Variants in TTC23 observed in about 807,000 individuals in gnomAD.
TTC23 encodes tetratricopeptide repeat protein 23.
A neutral mutation model predicts 55.1 loss-of-function variants in TTC23; 58 were observed. The observed-to-expected ratio is 1.05, with a 90% CI of 0.85 to 1.31. The LOEUF (loss-of-function observed/expected upper bound fraction) is 1.31, where lower values mean the gene tolerates loss of function less well. Among genes scored for constraint, TTC23 ranks in the 50% most tolerant of loss-of-function variants. The pLI is 0.00. For missense variants in TTC23, 516 were observed against 534.4 expected, an observed-to-expected ratio of 0.97 and a Z score of 0.34; for synonymous variants, 203 against 199.9, an observed-to-expected ratio of 1.02 and a Z score of -0.13.
chr15:99,163,768 T>C (rs1361616452), intron 10 of TTC23, among the ~76,000 whole-genome samples: 1 of 152,222 alleles, frequency 6.6e-6, no homozygotes, highest in African/African-American at 2.4e-5. Flanking sequence ...TCCTCACTCC[T>C]TCCACCCTGT....
rs567903492 is a variant in TTC23 at position 99,249,465 on chromosome 15, C to A, written c.-725G>T. 1 of 152,330 alleles carries A rather than the reference C, an allele frequency of 6.6e-6. No individual in the cohort carries two copies. The highest frequency in any genetic ancestry group is 6.5e-5 in the Admixed American group (1 of 15,290). 9.4% of individuals were successfully genotyped at this position (152,330 alleles called of 1,614,324 possible). A position where few individuals can be genotyped will look rare whatever the true frequency, so the allele number is the denominator to read the frequency against. Reference sequence around the variant, plus strand: ...ACAGTTGTCTTGGCAGCGTGATTTGCCCTCTGGTTCCTGCTTTATCAGTTT... The same window carrying A: ...ACAGTTGTCTTGGCAGCGTGATTTGACCTCTGGTTCCTGCTTTATCAGTTT... On this transcript the variant is annotated 5_prime_UTR_variant, in exon 1 of 14. Coordinates refer to ENST00000394132, the MANE Select transcript of TTC23 (RefSeq NM_001288615.3).
At position 99,192,389 on chromosome 15, in the gene TTC23, T is replaced by C. The variant is rs190683034; in HGVS notation, c.759+7530A>G. Among the ~76,000 whole-genome samples the C allele has an allele frequency of 2.6e-5, 4 of 152,048 alleles. No individual in the cohort carries two copies. In the East Asian group the frequency reaches 7.7e-4, roughly 29 times the overall value. On this transcript the variant is annotated intron_variant, in intron 9 of 13. Coordinates refer to ENST00000394132, the MANE Select transcript of TTC23 (RefSeq NM_001288615.3). Reference sequence around the variant, plus strand: ...GTGGTTTCACGGGCTGGGCCCAGGGTCCCCATGCTGTGTGCAGCCTAGGAA... The same window carrying C: ...GTGGTTTCACGGGCTGGGCCCAGGGCCCCCATGCTGTGTGCAGCCTAGGAA...
At chr15:99,147,547 A>G (rs917101735) in intron 12 of TTC23, among the ~76,000 whole-genome samples, 6 of 152,216 alleles carry the variant, frequency 3.9e-5, no homozygotes, top group Non-Finnish European at 7.3e-5. Flanking sequence ...CTTAACCAAA[A>G]TAAGAATGAA....
chr15:99,176,524 A>C (rs1252129814), intron 9 of TTC23, among the ~76,000 whole-genome samples: 1 of 152,136 alleles, frequency 6.6e-6, no homozygotes, highest in Non-Finnish European at 1.5e-5. Flanking sequence ...AAGCGGGTGA[A>C]TTGCTTTGAG....
At chr15:99,160,886 G>A (rs567005112) in intron 11 of TTC23, 1 of 151,530 alleles carries the variant, frequency 6.6e-6, no homozygotes, top group South Asian at 2.1e-4. Context: ...TGGTGGCGGG[G>A]GCCTGTAATC....
intron 11 of TTC23, chr15:99,161,012 CAA>C (rs34970118): frequency 1.9e-4 from 13 of 67,406 alleles, no homozygotes; most frequent in African/African-American, 5.3e-4. Flanking sequence ...GACTCTGTCT[CAA>C]AAAAAAAAAA....
rs1451783999 is a variant in TTC23, at chr15:99,187,469, C to CA, written c.760-12315dup. ...AGCACAAGCAAAAAAAAAAAAAAAA[C>CA]AAAACAAAAGAAACCCAACATAGAC... On this transcript the variant is annotated intron_variant, in intron 9 of 13. Transcript: ENST00000394132. Among the ~76,000 whole-genome samples, 16 of 110,646 alleles carry CA rather than the reference C, an allele frequency of 1.4e-4. 3 individuals carry two copies. The highest frequency in any genetic ancestry group is 3.5e-5 in the African/African-American group (1 of 28,890). The allele number at this position is 110,646 out of a possible 152,430, so 72.6% of individuals were successfully genotyped here.
At chr15:99,198,458 T>C (rs1366818406) in intron 9 of TTC23, among the ~76,000 whole-genome samples, 1 of 152,234 alleles carries the variant, frequency 6.6e-6, no homozygotes, top group Admixed American at 6.5e-5. Context: ...TCCACTATCT[T>C]CATCCTAGTT....
chr15:99,218,278 G>T (rs1002126275), intron 8 of TTC23, among the ~76,000 whole-genome samples: 3 of 152,174 alleles, frequency 2.0e-5, no homozygotes, highest in African/African-American at 7.2e-5. Flanking sequence ...GGGAAAAAAG[G>T]AAGGGAGGGA....
intron 8 of TTC23, 49 bp from the exon 9 acceptor site, chr15:99,200,145 A>G: frequency 6.9e-7 from 1 of 1,453,664 alleles, no homozygotes; most frequent in Non-Finnish European, 9.1e-7. Flanking sequence ...AATAGAAAAT[A>G]CTGAAAATAT....
At chr15:99,150,581 T>C (rs1240193872) in intron 12 of TTC23, among the ~76,000 whole-genome samples, 2 of 152,252 alleles carry the variant, frequency 1.3e-5, no homozygotes, top group Non-Finnish European at 2.9e-5. Context: ...TGGGGCAATA[T>C]AGTTCTATAT....
chr15:99,179,593 G>A (rs1567408644), intron 9 of TTC23, among the ~76,000 whole-genome samples: 1 of 152,302 alleles, frequency 6.6e-6, no homozygotes, highest in East Asian at 1.9e-4. Context: ...ACCACTGAGT[G>A]AACGAAGCAA....
rs1234608682 is a variant in TTC23 at position 99,199,910 on chromosome 15, G to A, written c.759+9C>T. 18 of 1,609,076 alleles carry A rather than the reference G, an allele frequency of 1.1e-5. No homozygotes were observed. Among genetic ancestry groups the A allele is most frequent in the Non-Finnish European group, 1.5e-5 (18 of 1,177,772 alleles). ...GAACAGCTTTGGTAGCCAGGACCTT[G>A]TAGCTTACCTGGAGGAAGTGGTTGA... On this transcript the variant is annotated intron_variant, in intron 9 of 13. Coordinates refer to ENST00000394132, the MANE Select transcript of TTC23 (RefSeq NM_001288615.3).
At chr15:99,194,083 T>C (rs2075485341) in intron 9 of TTC23, among the ~76,000 whole-genome samples, 3 of 152,060 alleles carry the variant, frequency 2.0e-5, no homozygotes, top group African/African-American at 4.8e-5. Flanking sequence ...AGCTGAGACG[T>C]TGAGGATAGA....
At chr15:99,192,012 G>A in intron 9 of TTC23, among the ~76,000 whole-genome samples, 1 of 152,168 alleles carries the variant, frequency 6.6e-6, no homozygotes. Flanking sequence ...CAAAGAGACT[G>A]GCAGCATTTT....
intron 10 of TTC23, among the ~76,000 whole-genome samples, chr15:99,168,293 A>G (rs1417410527): frequency 2.0e-5 from 3 of 152,194 alleles, no homozygotes; most frequent in Non-Finnish European, 4.4e-5. Flanking sequence ...CGCAAGGTAT[A>G]AATATGCAGA....
rs1188872674 is a variant in TTC23, at chr15:99,136,730, C to T, written c.*1280G>A. On this transcript the variant is annotated 3_prime_UTR_variant, in exon 14 of 14. Coordinates refer to ENST00000394132, the MANE Select transcript of TTC23 (RefSeq NM_001288615.3). The stretch of plus-strand genomic sequence containing the variant: ...CCTTAGCTGACTCCACCCATGTCAA[C>T]TAGATAGGACACACGGTGAGTAGTG... 1 of 146,216 alleles carries T rather than the reference C, an allele frequency of 6.8e-6. No individual in the cohort carries two copies. The highest frequency in any genetic ancestry group is 2.6e-5 in the African/African-American group (1 of 38,716). The allele number at this position is 146,216 out of a possible 1,614,324, so 9.1% of individuals were successfully genotyped here. A position where few individuals can be genotyped will look rare whatever the true frequency, so the allele number is the denominator to read the frequency against.
intron 11 of TTC23, chr15:99,157,687 A>C (rs1168842662): frequency 6.6e-6 from 1 of 152,244 alleles, no homozygotes; most frequent in Non-Finnish European, 1.5e-5. Context: ...TAAACATTCC[A>C]ACATGACATG....
Position 99,139,309 on chromosome 15 carries a change from C to A in TTC23, c.1226+8G>T. On this transcript the variant is annotated splice_region_variant and intron_variant, in intron 13 of 13. Transcript: ENST00000394132. ...GAGATAGAGAAAGTGTGAGGGACGC[C>A]AACTCACGTGGACAGCATGCCCATG... 2 of 1,611,282 alleles carry A rather than the reference C, an allele frequency of 1.2e-6. No homozygotes were observed. Among genetic ancestry groups the A allele is most frequent in the South Asian group, 1.1e-5 (1 of 91,058 alleles).
Sources: gnomAD v4.1 joint callset for allele counts (sites outside exome capture counted in the v4.1 genomes callset) on GRCh38, gnomAD v4.1.1 for gene constraint, MANE v1.5 for transcripts, NCBI Gene and HGNC (gene_info 2026-07-23, HGNC 2026-07-21) for gene names.